The following STPG2 variants were observed in gnomAD, a reference collection of about 807,000 sequenced individuals.
STPG2 encodes sperm tail PG-rich repeat containing 2.
STPG2 carries 56 observed loss-of-function variants against 54.2 expected under a neutral mutation model. The ratio of observed to expected loss-of-function variants is 1.03; its 90% CI spans 0.83 to 1.29. The LOEUF (loss-of-function observed/expected upper bound fraction) is 1.29, where lower values mean the gene tolerates loss of function less well. Among genes scored for constraint, STPG2 ranks in the 50% most tolerant of loss-of-function variants. STPG2 has a pLI of 0.00. For missense variants in STPG2, 596 were observed against 544.9 expected (o/e 1.09, Z -0.93); for synonymous variants, 200 against 181.8 (o/e 1.10, Z -0.81).
intron 9 of STPG2, among the ~76,000 whole-genome samples, chr4:97,830,574 A>T (rs535196071): frequency 6.6e-6 from 1 of 152,230 alleles, no homozygotes; most frequent in African/African-American, 2.4e-5. Context: ...AAAGACACAG[A>T]CTGGAAAAAT....
chr4:98,039,789 T>C (rs968002441), intron 5 of STPG2, among the ~76,000 whole-genome samples: 2 of 151,934 alleles, frequency 1.3e-5, no homozygotes, highest in Non-Finnish European at 1.5e-5. Context: ...GATAAATATA[T>C]GTCAGGAATC....
At chr4:97,863,466 A>G (rs953513750) in intron 8 of STPG2, among the ~76,000 whole-genome samples, 4 of 152,158 alleles carry the variant, frequency 2.6e-5, no homozygotes, top group Non-Finnish European at 5.9e-5. Context: ...TAGCTTACCA[A>G]CCAAAAAAAA....
At chr4:97,771,349 G>C (rs150915870) in intron 9 of STPG2, among the ~76,000 whole-genome samples, 1 of 152,160 alleles carries the variant, frequency 6.6e-6, no homozygotes, top group Admixed American at 6.5e-5. Context: ...GACTAAGATA[G>C]AGTACCTAAC....
chr4:98,142,620 T>C (rs1740330276), intron 1 of STPG2, among the ~76,000 whole-genome samples: 1 of 152,082 alleles, frequency 6.6e-6, no homozygotes, highest in African/African-American at 2.4e-5. Context: ...AAATATAAGC[T>C]ACATCTTAAT....
At chr4:97,521,419 A>G (rs1292135151) in intron 4 of STPG2, among the ~76,000 whole-genome samples, 1 of 152,078 alleles carries the variant, frequency 6.6e-6, no homozygotes, top group Non-Finnish European at 1.5e-5. Flanking sequence ...CTAGGATAAG[A>G]AACAAGTATT....
At chr4:98,135,495 G>GA (rs1444099965) in intron 1 of STPG2, among the ~76,000 whole-genome samples, 6 of 151,784 alleles carry the variant, frequency 4.0e-5, no homozygotes, top group African/African-American at 1.4e-4. Context: ...TTTAAAAAAG[G>GA]AAAAACATCT....
chr4:98,022,579 G>A (rs1276260192), intron 5 of STPG2, among the ~76,000 whole-genome samples: 2 of 151,586 alleles, frequency 1.3e-5, no homozygotes, highest in Non-Finnish European at 2.9e-5. Flanking sequence ...TGCTAGATTG[G>A]GGAAGTTCTC....
intron 4 of STPG2, among the ~76,000 whole-genome samples, chr4:97,465,399 T>G (rs557242625): frequency 6.6e-6 from 1 of 152,302 alleles, no homozygotes; most frequent in African/African-American, 2.4e-5. Flanking sequence ...GCTCTTTATA[T>G]ATTAGAGCTG....
chr4:97,926,219 C>G (rs763966438), intron 8 of STPG2, among the ~76,000 whole-genome samples: 12 of 152,148 alleles, frequency 7.9e-5, no homozygotes, highest in Non-Finnish European at 1.0e-4. Flanking sequence ...ACTTCATCAT[C>G]CCTGGGATTT....
intron 5 of STPG2, among the ~76,000 whole-genome samples, chr4:98,019,475 GC>G (rs1370821775): frequency 6.6e-6 from 1 of 151,856 alleles, no homozygotes; most frequent in Non-Finnish European, 1.5e-5. Flanking sequence ...TATTCTTTTG[GC>G]TTAGGATTGA....
chr4:98,115,585 A>G lies in STPG2; in HGVS notation c.388-6280T>C, dbSNP rs148192316. 1.8e-3 allele frequency among the ~76,000 whole-genome samples: 280 copies of G among 152,130 alleles called. 3 individuals carry two copies. Among genetic ancestry groups the G allele is most frequent in the Middle Eastern group, 0.01 (3 of 294 alleles). ...GCAGATGTGATTCACCAGTTAAGAA[A>G]GAATCACAATAATTACCCATCTATT... On this transcript the variant is annotated intron_variant, in intron 3 of 10. Coordinates refer to ENST00000295268, the MANE Select transcript of STPG2 (RefSeq NM_174952.3).
At chr4:97,450,557 C>A (rs999131719) in intron 4 of STPG2, among the ~76,000 whole-genome samples, 2 of 152,272 alleles carry the variant, frequency 1.3e-5, no homozygotes, top group Admixed American at 1.3e-4. Flanking sequence ...AAAGATAGGA[C>A]TTAATCAGGC....
Position 97,962,132 on chromosome 4 carries a change from T to C in STPG2, c.933+10148A>G, listed in dbSNP as rs375373138. ...ATGGAAAACCAAACATCTTATGTTC[T>C]CATTCATATGTGAGACCTAAGCTAC... is the stretch of plus-strand genomic sequence containing the variant. On this transcript the variant is annotated intron_variant, in intron 7 of 10. Transcript: ENST00000295268. Among the ~76,000 whole-genome samples the C allele has an allele frequency of 2.6e-5, 4 of 152,302 alleles. No individual in the cohort carries two copies. In the South Asian group the frequency reaches 6.2e-4, roughly 24 times the overall value.
At chr4:97,870,670 A>C (rs1729951045) in intron 8 of STPG2, among the ~76,000 whole-genome samples, 2 of 151,398 alleles carry the variant, frequency 1.3e-5, no homozygotes, top group South Asian at 4.1e-4. Flanking sequence ...GACAATTATA[A>C]AACAAAAATT....
intron 9 of STPG2, among the ~76,000 whole-genome samples, chr4:97,820,001 C>T: frequency 6.6e-6 from 1 of 151,894 alleles, no homozygotes; most frequent in East Asian, 1.9e-4. Flanking sequence ...AGGTTTGTGG[C>T]AACCCTGCAT....
chr4:97,762,798 T>C (rs1464372260), intron 9 of STPG2, among the ~76,000 whole-genome samples: 2 of 152,186 alleles, frequency 1.3e-5, no homozygotes, highest in South Asian at 2.1e-4. Context: ...ACTATCAGAT[T>C]ATGAAAAGAT....
chr4:97,991,327 T>C (rs1473465091), intron 5 of STPG2, among the ~76,000 whole-genome samples: 1 of 151,034 alleles, frequency 6.6e-6, no homozygotes, highest in African/African-American at 2.4e-5. Flanking sequence ...TATACACACA[T>C]ACACATATAT....
intron 5 of STPG2, among the ~76,000 whole-genome samples, chr4:98,080,103 A>C (rs1738297966): frequency 6.6e-6 from 1 of 152,130 alleles, no homozygotes; most frequent in South Asian, 2.1e-4. Context: ...AGTATGTATA[A>C]AAAGTAAATA....
At chr4:97,973,141 G>C (rs1734391261) in intron 6 of STPG2, among the ~76,000 whole-genome samples, 2 of 152,166 alleles carry the variant, frequency 1.3e-5, no homozygotes, top group Non-Finnish European at 2.9e-5. Context: ...ACTTCTTAGA[G>C]ACTTGTTGAA....
Sources: allele counts gnomAD v4.1 joint callset (sites outside exome capture counted in the v4.1 genomes callset), GRCh38; gene constraint gnomAD v4.1.1; transcripts MANE v1.5; gene names NCBI Gene and HGNC (gene_info 2026-07-23, HGNC 2026-07-21).